ZNF45: variants seen among roughly 807,000 people sequenced by gnomAD.
ZNF45 encodes zinc finger protein 45, also known as BRC1744.
Under a neutral mutation model 12.0 loss-of-function variants are expected in ZNF45, and 4 were observed. The observed-to-expected ratio is 0.33, with a 90% CI of 0.16 to 0.76. ZNF45 has a LOEUF of 0.76. Among genes scored for constraint, ZNF45 ranks in the 30% least tolerant of loss-of-function variants. The probability of loss-of-function intolerance (pLI) is 0.60; values close to 1 mark genes in which losing one functional copy is unlikely to be tolerated. For synonymous variants in ZNF45, 272 were observed against 279.6 expected (o/e 0.97, Z 0.27); for missense variants, 700 against 813.0 (o/e 0.86, Z 1.69).
rs781222608 is a variant in ZNF45, at chr19:43,913,393, A to G, written c.2043T>C (p.Thr681=). The G allele has an allele frequency of 6.5e-7, 1 of 1,533,922 alleles. No individual in the cohort carries two copies. The highest frequency in any genetic ancestry group is 1.3e-5 in the South Asian group (1 of 77,526). Residue 681 remains threonine (T), a synonymous_variant, in exon 10 of 10, where the codon ACT becomes ACC. Transcript: ENST00000269973. ...FPSSEDSHRK[T]R is the part of the protein sequence containing the mutation. Reference sequence around the variant, plus strand: ...TGAGATAGTAAAACATATTTTATCGAGTTTTCCTGTGTGAATCCTCTGATG... The same window carrying G: ...TGAGATAGTAAAACATATTTTATCGGGTTTTCCTGTGTGAATCCTCTGATG...
chr19:43,917,088 CAA>C (rs2146805143), intron 9 of ZNF45, among the ~76,000 whole-genome samples: 1 of 152,178 alleles, frequency 6.6e-6, no homozygotes, highest in African/African-American at 2.4e-5. Flanking sequence ...CATTGTTTTT[CAA>C]ACTGAAGGCT....
Position 43,913,845 on chromosome 19 carries a change from C to T in ZNF45, c.1591G>A (p.Ala531Thr), listed in dbSNP as rs761961482. The T allele has an allele frequency of 3.1e-6, 5 of 1,613,970 alleles. No homozygotes were observed. Among genetic ancestry groups the T allele is most frequent in the Non-Finnish European group, 4.2e-6 (5 of 1,179,962 alleles). ...VHTGEKPYQC[A>T]ECGKGFSVGS... ...ACACTGAAGCCCTTCCCACACTCTG[C>T]ACACTGATATGGTTTCTCTCCAGTG... is the stretch of plus-strand genomic sequence containing the variant. The change falls in exon 10 of 10, where the codon GCA (alanine) becomes ACA (threonine). Residue 531 changes from alanine (A) to threonine (T), a missense_variant. Physicochemically the swap from Ala to Thr is moderately conservative, Grantham distance 58. Coordinates refer to ENST00000269973, the MANE Select transcript of ZNF45 (RefSeq NM_003425.4).
At chr19:43,917,544 G>A (rs1310432537) in intron 9 of ZNF45, among the ~76,000 whole-genome samples, 1 of 152,038 alleles carries the variant, frequency 6.6e-6, no homozygotes, top group East Asian at 1.9e-4. Context: ...GGAGTGCAAT[G>A]GCGCGCTGTA....
chr19:43,915,840 T>C (rs888854638), intron 9 of ZNF45, among the ~76,000 whole-genome samples: 12 of 152,122 alleles, frequency 7.9e-5, no homozygotes, highest in South Asian at 2.1e-4. Flanking sequence ...GGTGCCAAGA[T>C]TGGGGATCAC....
In ZNF45 at chr19:43,915,179, A is replaced by T; in HGVS notation, c.257T>A (p.Met86Lys). 1 of 1,506,500 alleles carries T rather than the reference A, an allele frequency of 6.6e-7. No individual in the cohort carries two copies. Among genetic ancestry groups the T allele is most frequent in the Non-Finnish European group, 8.9e-7 (1 of 1,127,864 alleles). 93.3% of individuals were successfully genotyped at this position (1,506,500 alleles called of 1,614,324 possible). A position where few individuals can be genotyped will look rare whatever the true frequency, so the allele number is the denominator to read the frequency against. The change falls in exon 10 of 10, where the codon ATG (methionine) becomes AAG (lysine). Residue 86 changes from methionine to lysine, a missense_variant. Coordinates refer to ENST00000269973, the MANE Select transcript of ZNF45 (RefSeq NM_003425.4). Reference protein sequence around the residue: ...NSSGAKNLKEMETLQEVGLRY... With the variant: ...NSSGAKNLKEKETLQEVGLRY... ...TAATCCTACTTCTTGAAGAGTCTCC[A>T]TCTCTTTTAGATTCTTGGCTCCTAA...
chr19:43,927,258 T>G (rs555019699), intron 3 of ZNF45, among the ~76,000 whole-genome samples: 1 of 152,266 alleles, frequency 6.6e-6, no homozygotes, highest in South Asian at 2.1e-4. Flanking sequence ...TAATGTGGAG[T>G]TTCGTTACCT....
At chr19:43,921,839 A>G (rs536826928) in intron 7 of ZNF45, among the ~76,000 whole-genome samples, 96 of 152,370 alleles carry the variant, frequency 6.3e-4, no homozygotes, top group African/African-American at 2.2e-3. Context: ...TTTTGTCTAT[A>G]CAATGCTTAT....
At chr19:43,920,535 T>TGGGGGGGGGGGGGGG (rs386389071) in intron 7 of ZNF45, among the ~76,000 whole-genome samples, 1 of 22,346 alleles carries the variant, frequency 4.5e-5, no homozygotes, top group Non-Finnish European at 1.2e-4. Flanking sequence ...TGTTGCCGGG[T>TGGGGGGGGGGGGGGG]GGGGGGGGGG....
Position 43,919,652 on chromosome 19 carries a change from C to T in ZNF45, c.63G>A (p.Glu21=). The change falls in exon 8 of 10, where the codon GAG becomes GAA. Residue 21 remains glutamate, a synonymous_variant. Coordinates refer to ENST00000269973, the MANE Select transcript of ZNF45 (RefSeq NM_003425.4). ...KDVAVVFSEE[E]LQLLDLAQRK... Reference sequence around the variant, plus strand: ...TCTGGGCAAGGTCCAGCAGTTGCAGCTCCTCCTCAGAGAAGACCACAGCCA... The same window carrying T: ...TCTGGGCAAGGTCCAGCAGTTGCAGTTCCTCCTCAGAGAAGACCACAGCCA... 1 of 1,613,210 alleles carries T rather than the reference C, an allele frequency of 6.2e-7. No homozygotes were observed. The highest frequency in any genetic ancestry group is 8.5e-7 in the Non-Finnish European group (1 of 1,179,428).
At chr19:43,915,248 T>C in intron 9 of ZNF45, 48 bp from the exon 10 acceptor site, 1 of 1,442,508 alleles carries the variant, frequency 6.9e-7, no homozygotes, top group South Asian at 1.7e-5. Flanking sequence ...AATAATGTTT[T>C]GTTCCAAGAT....
intron 2 of ZNF45, among the ~76,000 whole-genome samples, chr19:43,933,117 T>G (rs1452960997): frequency 1.3e-5 from 2 of 152,324 alleles, no homozygotes; most frequent in African/African-American, 4.8e-5. Context: ...ATTTGTAGTA[T>G]TTTCTTATGG....
chr19:43,926,043 A>G (rs1221274324), intron 3 of ZNF45, among the ~76,000 whole-genome samples: 1 of 152,078 alleles, frequency 6.6e-6, no homozygotes, highest in African/African-American at 2.4e-5. Flanking sequence ...TCGCCTCGGG[A>G]AAAAAAAGAG....
intron 3 of ZNF45, among the ~76,000 whole-genome samples, chr19:43,932,122 G>T (rs1453234055): frequency 1.3e-5 from 2 of 152,008 alleles, no homozygotes; most frequent in Non-Finnish European, 2.9e-5. Flanking sequence ...GATCACTTGA[G>T]GTCAGGAGTT....
intron 3 of ZNF45, among the ~76,000 whole-genome samples, chr19:43,931,018 C>T (rs1974101137): frequency 6.6e-6 from 1 of 151,538 alleles, no homozygotes; most frequent in South Asian, 2.1e-4. Flanking sequence ...TCACATGCGG[C>T]TAATGGCTAC....
Position 43,935,248 on chromosome 19 carries a change from G to A in ZNF45, c.-1080C>T, listed in dbSNP as rs915710383. On this transcript the variant is annotated 5_prime_UTR_variant, in exon 1 of 10. Coordinates refer to ENST00000269973, the MANE Select transcript of ZNF45 (RefSeq NM_003425.4). ...CACTCACTTCCACGAGAGGAATGAA[G>A]GCCGCGCTCTCAACCTCTTGCCGCG... 6.6e-6 allele frequency: 1 copy of A among 152,298 alleles called. No individual in the cohort carries two copies. Among genetic ancestry groups the A allele is most frequent in the East Asian group, 1.9e-4 (1 of 5,202 alleles). The allele number at this position is 152,298 out of a possible 1,614,324, so 9.4% of individuals were successfully genotyped here.
Position 43,914,114 on chromosome 19 carries a change from T to TC in ZNF45, c.1321dup (p.Glu441GlyfsTer5). On this transcript the variant is annotated frameshift_variant, in exon 10 of 10. Transcript: ENST00000269973. LOFTEE classifies it low-confidence loss of function (END_TRUNC). The stretch of plus-strand genomic sequence containing the variant: ...ACACTCCTCACATTTATAGGGTTTT[T>TC]CCCCTGTATGGACTCTAAAATGAAT... The TC allele has an allele frequency of 6.2e-7, 1 of 1,614,110 alleles. No individual in the cohort carries two copies. Among genetic ancestry groups the TC allele is most frequent in the Non-Finnish European group, 8.5e-7 (1 of 1,180,004 alleles).
At chr19:43,920,543 G>GC (rs1477879366) in intron 7 of ZNF45, among the ~76,000 whole-genome samples, 1 of 131,036 alleles carries the variant, frequency 7.6e-6, no homozygotes, top group Non-Finnish European at 1.6e-5. Flanking sequence ...GGTGGGGGGG[G>GC]GGGGCAGTGG....
intron 6 of ZNF45, among the ~76,000 whole-genome samples, chr19:43,923,509 TAGGGTTC>T (rs2038827955): frequency 6.6e-6 from 1 of 152,170 alleles, no homozygotes; most frequent in African/African-American, 2.4e-5. Flanking sequence ...ATAGTATATT[TAGGGTTC>T]AGTAATATCT....
chr19:43,918,938 A>G lies in ZNF45; in HGVS notation c.167T>C (p.Leu56Pro). Residue 56 changes from leucine (L) to proline (P), a missense_variant, in exon 9 of 10, where the codon CTA becomes CCA. Leu to Pro is a moderately conservative substitution (Grantham distance 98). Coordinates refer to ENST00000269973, the MANE Select transcript of ZNF45 (RefSeq NM_003425.4). ...CTTTTCTTCTCTCTCTAACTGTGGTAGGCCATCTGGTGTGGACTGATGCCC... is the reference window on the plus strand; with the variant it reads ...CTTTTCTTCTCTCTCTAACTGTGGTGGGCCATCTGGTGTGGACTGATGCCC... ...SVGHQSTPDG[L>P]PQLEREEKLW... 3 of 1,614,110 alleles carry G rather than the reference A, an allele frequency of 1.9e-6. No individual in the cohort carries two copies. Among genetic ancestry groups the G allele is most frequent in the Non-Finnish European group, 2.5e-6 (3 of 1,180,006 alleles).
Sources: gnomAD v4.1 joint callset for allele counts (sites outside exome capture counted in the v4.1 genomes callset) on GRCh38, gnomAD v4.1.1 for gene constraint, MANE v1.5 for transcripts, NCBI Gene and HGNC (gene_info 2026-07-23, HGNC 2026-07-21) for gene names.